The following CPVL variants were observed in gnomAD, a reference collection of about 807,000 sequenced individuals.
CPVL encodes the protein probable serine carboxypeptidase CPVL.
Under a neutral mutation model 63.7 loss-of-function variants are expected in CPVL, and 51 were observed. The observed-to-expected ratio is 0.80, with a 90% CI of 0.64 to 1.01. CPVL has a LOEUF of 1.01. Ranked by LOEUF, CPVL falls within the 50% of genes least tolerant of loss-of-function variation. The probability of loss-of-function intolerance (pLI) is 0.00; values close to 1 mark genes in which losing one functional copy is unlikely to be tolerated. For synonymous variants in CPVL, 195 were observed against 206.0 expected (o/e 0.95, Z 0.46); for missense variants, 530 against 573.1 (o/e 0.92, Z 0.77).
intron 11 of CPVL, among the ~76,000 whole-genome samples, chr7:29,053,866 A>G (rs181572253): frequency 6.6e-6 from 1 of 151,438 alleles, no homozygotes; most frequent in East Asian, 1.9e-4. Context: ...CAGCCTGGGC[A>G]ATAGAACAAA....
At chr7:29,101,061 C>G (rs937532189) in intron 3 of CPVL, among the ~76,000 whole-genome samples, 1 of 152,062 alleles carries the variant, frequency 6.6e-6, no homozygotes, top group Non-Finnish European at 1.5e-5. Flanking sequence ...ATGTGACAAT[C>G]CTTAGGGTGA....
intron 3 of CPVL, among the ~76,000 whole-genome samples, chr7:29,100,209 C>T (rs1054125054): frequency 6.6e-6 from 1 of 152,116 alleles, no homozygotes; most frequent in Non-Finnish European, 1.5e-5. Context: ...CTGATTCCAG[C>T]GGATATCCAG....
intron 1 of CPVL, among the ~76,000 whole-genome samples, chr7:29,133,465 A>G (rs992892345): frequency 1.8e-4 from 28 of 152,210 alleles, no homozygotes; most frequent in Non-Finnish European, 2.4e-4. Context: ...TCCACACACT[A>G]AAGAGTGGTC....
chr7:29,008,103 G>C (rs1478095096), intron 12 of CPVL, among the ~76,000 whole-genome samples: 16 of 152,160 alleles, frequency 1.1e-4, no homozygotes, highest in Admixed American at 1.0e-3. Context: ...GAGTTTTCCA[G>C]GTGTGTCAGA....
At chr7:29,128,009 T>G (rs1309150171) in intron 1 of CPVL, 1 of 151,900 alleles carries the variant, frequency 6.6e-6, no homozygotes, top group Non-Finnish European at 1.5e-5. Context: ...TTTTATTTGT[T>G]ATAGGGGCTC....
chr7:29,195,150 C>T, exon 1 of CPVL: 1 of 666,816 alleles, frequency 1.5e-6, no homozygotes, highest in Non-Finnish European at 2.3e-6. Flanking sequence ...TCGCCAGCAC[C>T]TCGGTGCCCA....
At chr7:29,140,858 G>A (rs1481663372) in intron 1 of CPVL, among the ~76,000 whole-genome samples, 7 of 152,186 alleles carry the variant, frequency 4.6e-5, no homozygotes, top group Non-Finnish European at 7.4e-5. Flanking sequence ...ATGCATAAGT[G>A]AAAATAGAGC....
rs551918440 is a variant in CPVL, at chr7:29,136,722, T to C, written c.-11+9707A>G. Among the ~76,000 whole-genome samples the C allele has an allele frequency of 7.2e-5, 11 of 152,262 alleles. No homozygotes were observed. In the East Asian group the frequency reaches 2.1e-3, roughly 29 times the overall value. On this transcript the variant is annotated intron_variant, in intron 1 of 12. Coordinates refer to ENST00000265394, the MANE Select transcript of CPVL (RefSeq NM_031311.5). ...ATGAGAATTATAACATTACTTTTAT[T>C]ATATTGACAAAAATCAAAAGTAGTT...
Position 29,113,250 on chromosome 7 carries a change from C to T in CPVL, c.170-428G>A, listed in dbSNP as rs564684310. On this transcript the variant is annotated intron_variant, in intron 2 of 12. Coordinates refer to ENST00000265394, the MANE Select transcript of CPVL (RefSeq NM_031311.5). ...AATGTGGTGAAGCAGCTCTCGGCCTCGCCCCGAGAAGGCCTGTGTCCTTCA... is the reference window on the plus strand; with the variant it reads ...AATGTGGTGAAGCAGCTCTCGGCCTTGCCCCGAGAAGGCCTGTGTCCTTCA... 1.2e-4 allele frequency among the ~76,000 whole-genome samples: 18 copies of T among 152,076 alleles called. No homozygotes were observed. In the East Asian group the frequency reaches 3.3e-3, roughly 28 times the overall value.
At position 28,995,963 on chromosome 7, in the gene CPVL, C is replaced by T. The variant is rs1784014927; in HGVS notation, c.1321-81G>A. Reference sequence around the variant, plus strand: ...ATGGAAAGTTTTCATTCAGATTAAACTCTATTTAAAACTCACATGAAATAC... The same window carrying T: ...ATGGAAAGTTTTCATTCAGATTAAATTCTATTTAAAACTCACATGAAATAC... On this transcript the variant is annotated intron_variant, in intron 12 of 12. Coordinates refer to ENST00000265394, the MANE Select transcript of CPVL (RefSeq NM_031311.5). 9.9e-6 allele frequency: 8 copies of T among 804,778 alleles called. No individual in the cohort carries two copies. The South Asian group carries it at 1.4e-4, about 14-fold the overall frequency. The allele number at this position is 804,778 out of a possible 1,614,324, so 49.9% of individuals were successfully genotyped here.
chr7:29,057,471 T>C (rs1387502193), intron 11 of CPVL, among the ~76,000 whole-genome samples: 1 of 152,202 alleles, frequency 6.6e-6, no homozygotes, highest in Non-Finnish European at 1.5e-5. Flanking sequence ...CTTGACATTG[T>C]TTTTGGTAAA....
chr7:29,130,407 A>C (rs967656618), intron 1 of CPVL, among the ~76,000 whole-genome samples: 5 of 152,196 alleles, frequency 3.3e-5, no homozygotes, highest in Admixed American at 1.3e-4. Flanking sequence ...TAATATAGAC[A>C]GATTTTATCT....
chr7:29,018,471 C>CA (rs1786639677), intron 12 of CPVL, among the ~76,000 whole-genome samples: 1 of 151,314 alleles, frequency 6.6e-6, no homozygotes, highest in Non-Finnish European at 1.5e-5. Context: ...CTCTGCCTCC[C>CA]AAGTTCAAGC....
chr7:29,073,365 A>C (rs928590039), intron 7 of CPVL, among the ~76,000 whole-genome samples: 1 of 152,244 alleles, frequency 6.6e-6, no homozygotes, highest in Non-Finnish European at 1.5e-5. Context: ...TCTCCATCAC[A>C]TCATCTCTGG....
chr7:29,142,587 T>G (rs1236906662), intron 1 of CPVL, among the ~76,000 whole-genome samples: 1 of 149,380 alleles, frequency 6.7e-6, no homozygotes, highest in Non-Finnish European at 1.5e-5. Flanking sequence ...AGTGTAGTGG[T>G]GCAATCTCGG....
chr7:29,096,140 C>T lies in CPVL; in HGVS notation c.366G>A (p.Val122=), dbSNP rs762528699. The T allele has an allele frequency of 3.1e-6, 5 of 1,614,146 alleles. No individual in the cohort carries two copies. The highest frequency in any genetic ancestry group is 4.2e-6 in the Non-Finnish European group (5 of 1,180,000). Residue 122 remains valine, a synonymous_variant, in exon 4 of 13, where the codon GTG becomes GTA. Transcript: ENST00000265394. ...PGGSSMFGLF[V]EHGPYVVTSN... is the part of the protein sequence containing the mutation. ...TTGTGACAACATAAGGCCCATGTTC[C>T]ACAAAGAGTCCAAACATGGATGAAC... is the stretch of plus-strand genomic sequence containing the variant.
intron 7 of CPVL, among the ~76,000 whole-genome samples, chr7:29,084,883 T>C (rs575533986): frequency 6.6e-6 from 1 of 152,078 alleles, no homozygotes; most frequent in Non-Finnish European, 1.5e-5. Flanking sequence ...ATGGTACACA[T>C]GTAGTAATTC....
chr7:29,102,961 T>G (rs1260445587), intron 3 of CPVL, among the ~76,000 whole-genome samples: 1 of 152,160 alleles, frequency 6.6e-6, no homozygotes, highest in Non-Finnish European at 1.5e-5. Context: ...TGAAACTCAT[T>G]GAAACAAAAC....
intron 5 of CPVL, among the ~76,000 whole-genome samples, chr7:29,170,587 C>A (rs1181222412): frequency 6.6e-6 from 1 of 152,130 alleles, no homozygotes; most frequent in Non-Finnish European, 1.5e-5. Flanking sequence ...CATTACATGA[C>A]AAATGTATGT....
Sources: allele counts gnomAD v4.1 joint callset (sites outside exome capture counted in the v4.1 genomes callset), GRCh38; gene constraint gnomAD v4.1.1; transcripts MANE v1.5; gene names NCBI Gene and HGNC (gene_info 2026-07-23, HGNC 2026-07-21).